The following MCFD2 variants were observed in gnomAD, a reference collection of about 807,000 sequenced individuals.
MCFD2 encodes the protein multiple coagulation factor deficiency 2, ER cargo receptor complex subunit.
In MCFD2, 11 loss-of-function variants were observed where a neutral mutation model predicts 12.8. The observed-to-expected ratio is 0.86, with a 90% CI of 0.54 to 1.42. The LOEUF is 1.42. Ranked by LOEUF, MCFD2 falls within the 40% of genes most tolerant of loss-of-function variation. The pLI, the probability that MCFD2 is intolerant of heterozygous loss-of-function variation, is 0.00. For missense variants in MCFD2, 191 were observed against 178.6 expected, an observed-to-expected ratio of 1.07 and a Z score of -0.40; for synonymous variants, 70 against 68.1, an observed-to-expected ratio of 1.03 and a Z score of -0.14.
Position 46,908,158 on chromosome 2 carries a change from T to G in MCFD2, c.150-189A>C, listed in dbSNP as rs956167519. ...CTTGAGAGGAGCAGGAAAAGTCAAA[T>G]AGACCATCTGTTATGCTGGCAGGAT... is the stretch of plus-strand genomic sequence containing the variant. On this transcript the variant is annotated intron_variant, in intron 2 of 3. Coordinates refer to ENST00000319466, the MANE Select transcript of MCFD2 (RefSeq NM_139279.6). This position sits in a 1 kb window ranked among gnomAD's most constrained non-coding sequence, Gnocchi z 4.5. 3.0e-6 allele frequency: 2 copies of G among 661,912 alleles called. No homozygotes were observed. Among genetic ancestry groups the G allele is most frequent in the Admixed American group, 4.5e-5 (2 of 44,336 alleles). 41.0% of individuals were successfully genotyped at this position (661,912 alleles called of 1,614,324 possible).
In MCFD2 at chr2:46,941,656, C is replaced by G. The variant is rs1402854751; in HGVS notation, c.-92G>C. The G allele has an allele frequency of 1.3e-6, 2 of 1,552,242 alleles. No individual in the cohort carries two copies. Among genetic ancestry groups the G allele is most frequent in the Non-Finnish European group, 8.7e-7 (1 of 1,148,206 alleles). On this transcript the variant is annotated 5_prime_UTR_variant, in exon 1 of 3. Transcript: ENST00000409147. This position sits in a 1 kb window ranked among gnomAD's most constrained non-coding sequence, Gnocchi z 4.2. Reference sequence around the variant, plus strand: ...GGAGCTGGTCCGGCAGCTGCAGACGCTGAGCATGCCCGGCGGCGGAGGTAA... The same window carrying G: ...GGAGCTGGTCCGGCAGCTGCAGACGGTGAGCATGCCCGGCGGCGGAGGTAA...
chr2:46,905,329 G>GTT lies in MCFD2; in HGVS notation c.*133_*134insAA, dbSNP rs1668174259. The GTT allele has an allele frequency of 1.1e-6, 1 of 919,076 alleles. No homozygotes were observed. The highest frequency in any genetic ancestry group is 1.6e-5 in the African/African-American group (1 of 61,786). The allele number at this position is 919,076 out of a possible 1,614,324, so 56.9% of individuals were successfully genotyped here. A position where few individuals can be genotyped will look rare whatever the true frequency, so the allele number is the denominator to read the frequency against. On this transcript the variant is annotated 3_prime_UTR_variant, in exon 4 of 4. Coordinates refer to ENST00000319466, the MANE Select transcript of MCFD2 (RefSeq NM_139279.6). ...TTCTCTTATCTCTTCTCACCCCAGT[G>GTT]TAACGAATCGCTACAGGTTTTTACC...
intron 1 of MCFD2, among the ~76,000 whole-genome samples, chr2:46,932,979 C>G (rs1483356050): frequency 6.6e-6 from 1 of 151,842 alleles, no homozygotes; most frequent in East Asian, 1.9e-4. Context: ...TGGCCAGACA[C>G]TCAAGGCTAG....
In MCFD2 at chr2:46,905,589, C is replaced by G; in HGVS notation, c.315G>C (p.Gly105=). The change falls in exon 4 of 4, where the codon GGG becomes GGC. Residue 105 remains glycine (G), a synonymous_variant. Transcript: ENST00000319466. The stretch of plus-strand genomic sequence containing the variant: ...CACTCATTAGTGGTGCCTGTTCACT[C>G]CCTTCCTACAAAATACAAATTAGAC... ...TAITHVHKEE[G]SEQAPLMSED... The G allele has an allele frequency of 6.2e-7, 1 of 1,613,316 alleles. No homozygotes were observed. The highest frequency in any genetic ancestry group is 1.7e-5 in the Admixed American group (1 of 59,940).
upstream of MCFD2, chr2:46,915,983 G>C (rs1191560627): frequency 5.1e-6 from 5 of 985,284 alleles, no homozygotes; most frequent in Non-Finnish European, 6.0e-6. Context: ...TCTTCTACCT[G>C]CTTTCCCAAG....
At position 46,903,098 on chromosome 2, in the gene MCFD2, T is replaced by C. The variant is rs1201825977; in HGVS notation, c.*2365A>G. 6.6e-6 allele frequency: 1 copy of C among 152,224 alleles called. No individual in the cohort carries two copies. Among genetic ancestry groups the C allele is most frequent in the African/African-American group, 2.4e-5 (1 of 41,446 alleles). The allele number at this position is 152,224 out of a possible 1,614,324, so 9.4% of individuals were successfully genotyped here. The stretch of plus-strand genomic sequence containing the variant: ...TGGGACAGACCCAGGGGGAGGTAAT[T>C]GAATCATGGGGGCCAGTCTTTCCCG... On this transcript the variant is annotated 3_prime_UTR_variant, in exon 4 of 4. Coordinates refer to ENST00000319466, the MANE Select transcript of MCFD2 (RefSeq NM_139279.6).
rs1026725920 is a variant in MCFD2, at chr2:46,937,365, G to A, written c.-8+4207C>T. 1.7e-4 allele frequency among the ~76,000 whole-genome samples: 26 copies of A among 151,624 alleles called. No individual in the cohort carries two copies. Among genetic ancestry groups the A allele is most frequent in the African/African-American group, 6.1e-4 (25 of 41,224 alleles). On this transcript the variant is annotated intron_variant, in intron 1 of 2. Coordinates refer to the MCFD2 transcript ENST00000409147. This position sits in a 1 kb window ranked among gnomAD's most constrained non-coding sequence, Gnocchi z 4.0. Reference sequence around the variant, plus strand: ...CTCCTGGCTGGCTAGATACCCCAAAGCTCACTTAACTTCAGAATAGAAAAA... The same window carrying A: ...CTCCTGGCTGGCTAGATACCCCAAAACTCACTTAACTTCAGAATAGAAAAA...
At chr2:46,932,860 C>T (rs1669782335) in intron 1 of MCFD2, among the ~76,000 whole-genome samples, 1 of 147,658 alleles carries the variant, frequency 6.8e-6, no homozygotes, top group Admixed American at 6.8e-5. Context: ...CAGATCGCAC[C>T]ACTGCACTCC....
intron 1 of MCFD2, among the ~76,000 whole-genome samples, chr2:46,938,784 C>T (rs952704143): frequency 8.6e-5 from 13 of 151,700 alleles, no homozygotes; most frequent in African/African-American, 2.9e-4. Context: ...GAGGCCAAGG[C>T]GGGCAGATCA....
Position 46,941,579 on chromosome 2 carries a change from T to G in MCFD2, c.-15A>C, listed in dbSNP as rs1572670757. ...GGCGCGCACGGCTCCTACCTGAAGG[T>G]GGAGAGCGAGCTGGAGCGCTGCCGC... On this transcript the variant is annotated 5_prime_UTR_variant, in exon 1 of 3. Transcript: ENST00000409147. The surrounding 1 kb of genome is among the most constrained non-coding windows in gnomAD (Gnocchi z 4.2). The G allele has an allele frequency of 1.3e-6, 2 of 1,557,120 alleles. No individual in the cohort carries two copies. The highest frequency in any genetic ancestry group is 1.7e-4 in the Middle Eastern group (1 of 5,944).
intron 1 of MCFD2, among the ~76,000 whole-genome samples, chr2:46,925,515 A>G (rs180747333): frequency 2.9e-4 from 44 of 152,218 alleles, no homozygotes; most frequent in African/African-American, 8.7e-4. Flanking sequence ...CTGAGATTAC[A>G]CCACTGCACT....
In MCFD2 at chr2:46,908,747, A is replaced by G; in HGVS notation, c.149+276T>C. On this transcript the variant is annotated intron_variant, in intron 2 of 3. Coordinates refer to ENST00000319466, the MANE Select transcript of MCFD2 (RefSeq NM_139279.6). This position sits in a 1 kb window ranked among gnomAD's most constrained non-coding sequence, Gnocchi z 4.5. ...TATGTGTACCTGTGTGTCTATTTGT[A>G]TGTGTGTGTGTCTGTCTGTGGTGAA... 1 of 499,282 alleles carries G rather than the reference A, an allele frequency of 2.0e-6. No homozygotes were observed. Among genetic ancestry groups the G allele is most frequent in the Non-Finnish European group, 3.7e-6 (1 of 273,700 alleles). The allele number at this position is 499,282 out of a possible 1,614,324, so 30.9% of individuals were successfully genotyped here.
At position 46,937,767 on chromosome 2, in the gene MCFD2, A is replaced by C. The variant is rs1183828394; in HGVS notation, c.-8+3805T>G. On this transcript the variant is annotated intron_variant, in intron 1 of 2. Coordinates refer to the MCFD2 transcript ENST00000409147. This position sits in a 1 kb window ranked among gnomAD's most constrained non-coding sequence, Gnocchi z 4.0. The stretch of plus-strand genomic sequence containing the variant: ...AGTGATTTCAAAGGCCATGGATTGC[A>C]TAGGAAGCTGAAGGGGTTTGGGGAA... Among the ~76,000 whole-genome samples, 1 of 152,206 alleles carries C rather than the reference A, an allele frequency of 6.6e-6. No individual in the cohort carries two copies. The highest frequency in any genetic ancestry group is 1.5e-5 in the Non-Finnish European group (1 of 68,026).
intron 1 of MCFD2, among the ~76,000 whole-genome samples, chr2:46,923,632 C>A (rs1669226643): frequency 6.6e-6 from 1 of 152,180 alleles, no homozygotes; most frequent in Non-Finnish European, 1.5e-5. Context: ...TGGTTCATGC[C>A]TGTAATCCTA....
chr2:46,914,261 G>T (rs1668603221), intron 1 of MCFD2: 1 of 152,228 alleles, frequency 6.6e-6, no homozygotes, highest in Admixed American at 6.6e-5. Flanking sequence ...CACTAAGTTT[G>T]GGGCCAGCCT....
Position 46,904,971 on chromosome 2 carries a change from C to T in MCFD2, c.*492G>A. Reference sequence around the variant, plus strand: ...GAGACCCAAGGGGAGGTAATTGAATCATGGGGGCCAGTCTTTCCCATGCTA... The same window carrying T: ...GAGACCCAAGGGGAGGTAATTGAATTATGGGGGCCAGTCTTTCCCATGCTA... On this transcript the variant is annotated 3_prime_UTR_variant, in exon 4 of 4. Transcript: ENST00000319466. 4.5e-6 allele frequency: 1 copy of T among 223,526 alleles called. No individual in the cohort carries two copies. The highest frequency in any genetic ancestry group is 9.0e-6 in the Non-Finnish European group (1 of 111,004). 13.8% of individuals were successfully genotyped at this position (223,526 alleles called of 1,614,324 possible). A position where few individuals can be genotyped will look rare whatever the true frequency, so the allele number is the denominator to read the frequency against.
chr2:46,925,026 T>C (rs1167194055), intron 1 of MCFD2, among the ~76,000 whole-genome samples: 1 of 152,238 alleles, frequency 6.6e-6, no homozygotes, highest in African/African-American at 2.4e-5. Context: ...CTTCAACAAA[T>C]TGGCCTTTAG....
chr2:46,926,622 C>A lies in MCFD2; in HGVS notation c.-8+14950G>T, dbSNP rs191552826. ...GTGATTTCAGATTGGTAGAGCCCCC[C>A]CAGGTGCCTAGAAAAAGCAACTGGA... On this transcript the variant is annotated intron_variant, in intron 1 of 2. Coordinates refer to the MCFD2 transcript ENST00000409147. Among the ~76,000 whole-genome samples, 3 of 152,316 alleles carry A rather than the reference C, an allele frequency of 2.0e-5. No homozygotes were observed. The East Asian group carries it at 5.8e-4, about 29-fold the overall frequency.
At chr2:46,931,685 C>T (rs982105434) in intron 1 of MCFD2, among the ~76,000 whole-genome samples, 1 of 122,986 alleles carries the variant, frequency 8.1e-6, no homozygotes, top group Non-Finnish European at 1.6e-5. Context: ...AAAACAAAAA[C>T]AGACAATAAT....
Sources: gnomAD v4.1 joint callset for allele counts (sites outside exome capture counted in the v4.1 genomes callset) on GRCh38, gnomAD v4.1.1 for gene constraint, Gnocchi (gnomAD v3.1) non-coding constraint, MANE v1.5 for transcripts, NCBI Gene and HGNC (gene_info 2026-07-23, HGNC 2026-07-21) for gene names.